Variants in WNK3 observed in about 807,000 individuals in gnomAD.
The protein encoded by WNK3 is WNK lysine deficient protein kinase 3, also known as serine/threonine-protein kinase WNK3.
A neutral mutation model predicts 116.7 loss-of-function variants in WNK3; 18 were observed. That is an observed-to-expected ratio of 0.15 (90% CI 0.11 to 0.23). The LOEUF (loss-of-function observed/expected upper bound fraction) is 0.23, where lower values mean the gene tolerates loss of function less well. Among genes scored for constraint, WNK3 ranks in the 10% least tolerant of loss-of-function variants. The pLI is 1.00. For synonymous variants in WNK3, 404 were observed against 469.4 expected (o/e 0.86, Z 1.80); for missense variants, 993 against 1,323.8 (o/e 0.75, Z 3.88).
At chrX:54,238,601 T>G in intron 18 of WNK3, 129 bp from the exon 19 acceptor site, 1 of 654,091 alleles carries the variant, frequency 1.5e-6, no homozygotes, top group Non-Finnish European at 2.2e-6. Flanking sequence ...AAGGTGTTAA[T>G]GTAATAAGCA....
At chrX:54,280,296 CAA>C (rs201683615) in intron 10 of WNK3, among the ~76,000 whole-genome samples, 2 of 78,402 alleles carry the variant, frequency 2.6e-5, no homozygotes. Context: ...GACTCTGTCT[CAA>C]AAAAAAAAAA....
intron 1 of WNK3, among the ~76,000 whole-genome samples, chrX:54,339,162 G>A (rs112945749): frequency 0.011 from 1,183 of 110,787 alleles, 14 homozygotes; most frequent in African/African-American, 0.038. Flanking sequence ...TACCATAAAC[G>A]CATCTAACAA....
At chrX:54,294,900 CT>C (rs782763277) in intron 7 of WNK3, 53 bp from the exon 8 acceptor site, 91,165 of 761,129 alleles carry the variant, frequency 0.12, 9 homozygotes, top group Non-Finnish European at 0.12. Flanking sequence ...AAGATTTTAA[CT>C]TTTTTTTTTT....
At chrX:54,315,943 A>C (rs1412501619) in intron 2 of WNK3, among the ~76,000 whole-genome samples, 2 of 110,598 alleles carry the variant, frequency 1.8e-5, no homozygotes, top group African/African-American at 6.6e-5. Context: ...TAGAATGCAA[A>C]AGCTAACTCT....
chrX:54,350,018 A>G (rs1322306293), intron 1 of WNK3, among the ~76,000 whole-genome samples: 4 of 112,547 alleles, frequency 3.6e-5, no homozygotes, highest in African/African-American at 1.3e-4. Context: ...AGGTAGTATA[A>G]TAAGTTGTGT....
intron 20 of WNK3, among the ~76,000 whole-genome samples, chrX:54,233,298 C>T (rs2067923661): frequency 9.6e-6 from 1 of 104,698 alleles, no homozygotes; most frequent in Non-Finnish European, 1.9e-5. Flanking sequence ...ATTAGCTGGG[C>T]ACGGTGGTGC....
At chrX:54,309,069 C>A in intron 4 of WNK3, 26 bp downstream of exon 4, 1 of 1,170,710 alleles carries the variant, frequency 8.5e-7, no homozygotes, top group Non-Finnish European at 1.2e-6. Flanking sequence ...CTTTACCCAA[C>A]CAGTAAACTG....
At chrX:54,267,291 C>A (rs2146999783) in intron 10 of WNK3, among the ~76,000 whole-genome samples, 1 of 110,229 alleles carries the variant, frequency 9.1e-6, no homozygotes, top group African/African-American at 3.3e-5. Context: ...TGGTGTCAAA[C>A]TTCTCGGCTC....
At chrX:54,302,506 G>A (rs1394875419) in intron 5 of WNK3, among the ~76,000 whole-genome samples, 1 of 108,565 alleles carries the variant, frequency 9.2e-6, no homozygotes, top group Non-Finnish European at 1.9e-5. Flanking sequence ...TCACCATGTT[G>A]GCCTGACTGG....
intron 7 of WNK3, among the ~76,000 whole-genome samples, chrX:54,295,763 A>G (rs2068691950): frequency 9.0e-6 from 1 of 111,642 alleles, no homozygotes; most frequent in Non-Finnish European, 1.9e-5. Context: ...TGATAGGTCA[A>G]TGCAGCCTTG....
intron 21 of WNK3, among the ~76,000 whole-genome samples, chrX:54,232,133 A>ATATATATG (rs1557149098): frequency 1.9e-5 from 2 of 103,268 alleles, no homozygotes; most frequent in African/African-American, 7.3e-5. Context: ...ATATATATAT[A>ATATATATG]TATGTATGTA....
chrX:54,245,305 T>C (rs2068064456), intron 17 of WNK3, among the ~76,000 whole-genome samples: 1 of 108,872 alleles, frequency 9.2e-6, no homozygotes, highest in Non-Finnish European at 1.9e-5. Flanking sequence ...TGGGCAACAC[T>C]GCAAGCCCAT....
intron 5 of WNK3, among the ~76,000 whole-genome samples, chrX:54,305,429 CTTTCT>C (rs2068812866): frequency 2.7e-5 from 3 of 111,429 alleles, no homozygotes; most frequent in African/African-American, 9.8e-5. Flanking sequence ...AGCATTCTTT[CTTTCT>C]TCAGAGAATC....
chrX:54,198,452 C>T, exon 24 of WNK3: 1 of 1,210,801 alleles, frequency 8.3e-7, no homozygotes, highest in African/African-American at 1.7e-5. Flanking sequence ...TGTGTTGTTC[C>T]TGAAATTCCT....
At chrX:54,243,338 G>A (rs1396561587) in intron 17 of WNK3, among the ~76,000 whole-genome samples, 2 of 103,626 alleles carry the variant, frequency 1.9e-5, no homozygotes, top group Non-Finnish European at 3.9e-5. Flanking sequence ...GGAGAATGGC[G>A]TGAACCCGGG....
At chrX:54,240,208 G>A (rs1248322062) in intron 17 of WNK3, among the ~76,000 whole-genome samples, 1 of 110,259 alleles carries the variant, frequency 9.1e-6, no homozygotes, top group East Asian at 2.8e-4. Context: ...GGAGGCTGAG[G>A]CAGGAGAATA....
chrX:54,278,278 C>T (rs943563868), intron 10 of WNK3, among the ~76,000 whole-genome samples: 18 of 109,789 alleles, frequency 1.6e-4, no homozygotes, highest in Non-Finnish European at 2.7e-4. Context: ...CTTGAAGGCC[C>T]AACATAGTCA....
intron 20 of WNK3, among the ~76,000 whole-genome samples, chrX:54,235,580 T>C (rs529703892): frequency 3.6e-5 from 4 of 111,714 alleles, no homozygotes; most frequent in African/African-American, 1.3e-4. Context: ...AGCCACTGTG[T>C]CTGGCCAAAT....
chrX:54,225,490 G>A (rs1157796710), intron 22 of WNK3, among the ~76,000 whole-genome samples: 3 of 106,897 alleles, frequency 2.8e-5, no homozygotes, highest in African/African-American at 1.0e-4. Flanking sequence ...GTGTGGTGGT[G>A]CACGTCTGTA....
Sources: allele counts gnomAD v4.1 joint callset (sites outside exome capture counted in the v4.1 genomes callset), GRCh38; gene constraint gnomAD v4.1.1; transcripts MANE v1.5; gene names NCBI Gene and HGNC (gene_info 2026-07-23, HGNC 2026-07-21).